The following EFNA5 variants were observed in gnomAD, a reference collection of about 807,000 sequenced individuals.
EFNA5 encodes ephrin-A5.
A neutral mutation model predicts 22.9 loss-of-function variants in EFNA5; 5 were observed. That is an observed-to-expected ratio of 0.22 (90% CI 0.11 to 0.46). The LOEUF (loss-of-function observed/expected upper bound fraction) is 0.46, where lower values mean the gene tolerates loss of function less well. Ranked by LOEUF, EFNA5 falls within the 20% of genes least tolerant of loss-of-function variation. The pLI, the probability that EFNA5 is intolerant of heterozygous loss-of-function variation, is 0.99. For missense variants in EFNA5, 237 were observed against 293.3 expected, an observed-to-expected ratio of 0.81 and a Z score of 1.40; for synonymous variants, 113 against 112.2, an observed-to-expected ratio of 1.01 and a Z score of -0.04.
intron 1 of EFNA5, among the ~76,000 whole-genome samples, chr5:107,547,713 A>AT (rs1748198347): frequency 6.6e-6 from 1 of 151,910 alleles, no homozygotes; most frequent in African/African-American, 2.4e-5. Context: ...AAAAAAAAGC[A>AT]TTTTTCTTTT....
intron 1 of EFNA5, among the ~76,000 whole-genome samples, chr5:107,627,221 A>AGCTC (rs906678337): frequency 2.6e-5 from 4 of 152,210 alleles, no homozygotes; most frequent in African/African-American, 4.8e-5. Flanking sequence ...TTGAGCTCTC[A>AGCTC]GCTCTCTTCA....
At chr5:107,585,584 C>A (rs1373681513) in intron 1 of EFNA5, among the ~76,000 whole-genome samples, 1 of 152,158 alleles carries the variant, frequency 6.6e-6, no homozygotes, top group Non-Finnish European at 1.5e-5. Flanking sequence ...GAAGAGTTTT[C>A]AGAAGGAATC....
intron 1 of EFNA5, among the ~76,000 whole-genome samples, chr5:107,565,342 T>G (rs959316269): frequency 1.3e-5 from 2 of 152,230 alleles, no homozygotes; most frequent in Non-Finnish European, 2.9e-5. Flanking sequence ...TCATTTTGTT[T>G]TATATTAATA....
rs1463724772 is a variant in EFNA5 at position 107,378,586 on chromosome 5, A to C, written c.*2669T>G. On this transcript the variant is annotated 3_prime_UTR_variant, in exon 5 of 5. Coordinates refer to ENST00000333274, the MANE Select transcript of EFNA5 (RefSeq NM_001962.3). ...CAATCATCTTGAAAACTCCATGGCA[A>C]GTGCATTAGCTATGATTTCATCACT... 6.6e-6 allele frequency: 1 copy of C among 152,228 alleles called. No homozygotes were observed. Among genetic ancestry groups the C allele is most frequent in the African/African-American group, 2.4e-5 (1 of 41,454 alleles). 9.4% of individuals were successfully genotyped at this position (152,228 alleles called of 1,614,324 possible).
rs891687413 is a variant in EFNA5, at chr5:107,670,829, TAAAG to T, written c.-220_-217del. On this transcript the variant is annotated 5_prime_UTR_variant, in exon 1 of 5. Coordinates refer to ENST00000333274, the MANE Select transcript of EFNA5 (RefSeq NM_001962.3). ...AAGAAGGCGGTGGGATGGGGGGTGA[TAAAG>T]ACAAACTCGCACCCCCACTGGAGGG... 3.0e-5 allele frequency: 18 copies of T among 595,272 alleles called. No homozygotes were observed. In the African/African-American group the frequency reaches 3.4e-4, roughly 11 times the overall value. The allele number at this position is 595,272 out of a possible 1,614,324, so 36.9% of individuals were successfully genotyped here.
intron 1 of EFNA5, among the ~76,000 whole-genome samples, chr5:107,482,832 GTCTCTCTCTCTCTCTCTCTC>G (rs59574940): frequency 1.1e-5 from 1 of 94,014 alleles, no homozygotes; most frequent in Non-Finnish European, 2.1e-5. Flanking sequence ...CTCTGTCTCT[GTCTCTCTCTCTCTCTCTCTC>G]TCTCTCTCTC....
At chr5:107,518,243 A>G (rs892825987) in intron 1 of EFNA5, among the ~76,000 whole-genome samples, 12 of 151,846 alleles carry the variant, frequency 7.9e-5, no homozygotes, top group Admixed American at 7.9e-4. Flanking sequence ...GTTTGCATAC[A>G]CAACTGAGTA....
intron 1 of EFNA5, among the ~76,000 whole-genome samples, chr5:107,429,286 T>C (rs1748886983): frequency 6.6e-6 from 1 of 151,992 alleles, no homozygotes; most frequent in Non-Finnish European, 1.5e-5. Context: ...CTACTAAAAA[T>C]ACAAAAAATA....
In EFNA5 at chr5:107,470,395, T is replaced by G. The variant is rs146282989; in HGVS notation, c.126-42886A>C. ...TATACGGCTTCTGAGGATGATGAAG[T>G]ATATCCAAGGAAATGACTAATCTCC... On this transcript the variant is annotated intron_variant, in intron 1 of 4. Transcript: ENST00000333274. Among the ~76,000 whole-genome samples the G allele has an allele frequency of 1.2e-3, 182 of 152,320 alleles. 1 individual carries two copies. Among genetic ancestry groups the G allele is most frequent in the African/African-American group, 4.4e-3 (181 of 41,572 alleles).
intron 2 of EFNA5, among the ~76,000 whole-genome samples, chr5:107,415,668 C>G (rs557278786): frequency 6.9e-4 from 105 of 152,304 alleles, no homozygotes; most frequent in Admixed American, 1.4e-3. Context: ...TAACTTCATT[C>G]AAAAGGATTT....
At chr5:107,560,106 A>G (rs1204703575) in intron 1 of EFNA5, among the ~76,000 whole-genome samples, 1 of 152,228 alleles carries the variant, frequency 6.6e-6, no homozygotes, top group Non-Finnish European at 1.5e-5. Context: ...AAATGCTCCA[A>G]CACTGAAGAT....
intron 1 of EFNA5, among the ~76,000 whole-genome samples, chr5:107,524,979 T>A (rs912465294): frequency 6.6e-6 from 1 of 152,242 alleles, no homozygotes; most frequent in African/African-American, 2.4e-5. Flanking sequence ...TATGTTTATA[T>A]CATACACAAA....
intron 1 of EFNA5, among the ~76,000 whole-genome samples, chr5:107,507,846 T>A (rs1747282737): frequency 6.6e-6 from 1 of 152,200 alleles, no homozygotes; most frequent in Non-Finnish European, 1.5e-5. Context: ...ATGTAGCTAT[T>A]AGAAAACTGA....
At chr5:107,659,929 G>T (rs1750910850) in intron 1 of EFNA5, among the ~76,000 whole-genome samples, 1 of 151,436 alleles carries the variant, frequency 6.6e-6, no homozygotes, top group Non-Finnish European at 1.5e-5. Flanking sequence ...TTTTCCTTCA[G>T]AGAACAGAGG....
chr5:107,383,858 T>C (rs950342882), intron 4 of EFNA5, among the ~76,000 whole-genome samples: 6 of 152,228 alleles, frequency 3.9e-5, no homozygotes, highest in Non-Finnish European at 8.8e-5. Flanking sequence ...AAGTGAAGTA[T>C]GAGGCTAAGT....
At position 107,376,903 on chromosome 5, in the gene EFNA5, T is replaced by C. The variant is rs773903228; in HGVS notation, c.*4352A>G. On this transcript the variant is annotated 3_prime_UTR_variant, in exon 5 of 5. Transcript: ENST00000333274. ...AGAAGGAGGGATCCAATTAAAATGA[T>C]GAAAATCTTTAATTTTTATTTAGTT... The C allele has an allele frequency of 6.6e-6, 1 of 151,894 alleles. No homozygotes were observed. The highest frequency in any genetic ancestry group is 1.5e-5 in the Non-Finnish European group (1 of 68,008). The allele number at this position is 151,894 out of a possible 1,614,324, so 9.4% of individuals were successfully genotyped here.
intron 1 of EFNA5, among the ~76,000 whole-genome samples, chr5:107,546,954 C>A (rs928211132): frequency 6.6e-6 from 1 of 152,066 alleles, no homozygotes; most frequent in African/African-American, 2.4e-5. Flanking sequence ...TTTGCTAAGG[C>A]CTAAGCAAGC....
chr5:107,454,641 A>C (rs576159924), intron 1 of EFNA5, among the ~76,000 whole-genome samples: 35 of 152,308 alleles, frequency 2.3e-4, no homozygotes, highest in African/African-American at 6.7e-4. Context: ...GGGAAATTTT[A>C]TAATATGCAA....
intron 1 of EFNA5, among the ~76,000 whole-genome samples, chr5:107,480,712 A>C (rs1277066369): frequency 6.6e-6 from 1 of 152,194 alleles, no homozygotes; most frequent in African/African-American, 2.4e-5. Context: ...GGGGATACAC[A>C]GAAGCCAGGG....
Sources: allele counts gnomAD v4.1 joint callset (sites outside exome capture counted in the v4.1 genomes callset), GRCh38; gene constraint gnomAD v4.1.1; transcripts MANE v1.5; gene names NCBI Gene and HGNC (gene_info 2026-07-23, HGNC 2026-07-21).